The following KDM1B variants were observed in gnomAD, a reference collection of about 807,000 sequenced individuals.
KDM1B encodes the protein lysine demethylase 1B.
KDM1B carries 63 observed loss-of-function variants against 107.4 expected under a neutral mutation model. That is an observed-to-expected ratio of 0.59 (90% CI 0.48 to 0.72). The LOEUF is 0.72. KDM1B is among the 30% of genes least tolerant of loss of function. KDM1B has a pLI of 0.00. For synonymous variants in KDM1B, 363 were observed against 363.9 expected (o/e 1.00, Z 0.03); for missense variants, 749 against 1,020.8 (o/e 0.73, Z 3.63).
In KDM1B at chr6:18,162,911, C is replaced by T; in HGVS notation, c.292C>T (p.His98Tyr). 1 of 1,604,328 alleles carries T rather than the reference C, an allele frequency of 6.2e-7. No individual in the cohort carries two copies. Among genetic ancestry groups the T allele is most frequent in the Non-Finnish European group, 8.5e-7 (1 of 1,171,144 alleles). The change falls in exon 5 of 22, where the codon CAT becomes TAT. Residue 98 changes from histidine to tyrosine, a missense_variant. By Grantham distance (83) the His-to-Tyr change is moderately conservative. Transcript: ENST00000650836. This position sits in a 1 kb window ranked among gnomAD's most constrained non-coding sequence, Gnocchi z 4.1. The part of the protein sequence containing the change: ...GEHFCNECFD[H>Y]YYRSHKDGYD... ...ACATTTCTGTAATGAATGCTTTGAC[C>T]ATTACTACAGAAGGTATGTTCACTA...
At position 18,212,335 on chromosome 6, in the gene KDM1B, G is replaced by A. The variant is rs1788907570; in HGVS notation, c.1867-153G>A. 1.5e-6 allele frequency: 1 copy of A among 674,236 alleles called. No homozygotes were observed. Among genetic ancestry groups the A allele is most frequent in the Admixed American group, 2.2e-5 (1 of 46,076 alleles). The allele number at this position is 674,236 out of a possible 1,614,324, so 41.8% of individuals were successfully genotyped here. A position where few individuals can be genotyped will look rare whatever the true frequency, so the allele number is the denominator to read the frequency against. Reference sequence around the variant, plus strand: ...GTGGTTGCCACTTCTGCTTAGCCAGGCATTGGCACCCTTGTGCAGTGAGCA... The same window carrying A: ...GTGGTTGCCACTTCTGCTTAGCCAGACATTGGCACCCTTGTGCAGTGAGCA... On this transcript the variant is annotated intron_variant, in intron 17 of 21. Transcript: ENST00000650836. The surrounding 1 kb of genome is among the most constrained non-coding windows in gnomAD (Gnocchi z 5.2).
At chr6:18,192,475 A>G (rs1023708194) in intron 10 of KDM1B, among the ~76,000 whole-genome samples, 19 of 152,214 alleles carry the variant, frequency 1.2e-4, no homozygotes, top group African/African-American at 3.4e-4. Context: ...TGTTAATGCA[A>G]CTATATGAAT....
chr6:18,220,634 A>T (rs999502103), intron 21 of KDM1B, among the ~76,000 whole-genome samples: 1 of 152,200 alleles, frequency 6.6e-6, no homozygotes, highest in African/African-American at 2.4e-5. Flanking sequence ...CAAGGGGATA[A>T]AGGCTGCATG....
intron 21 of KDM1B, among the ~76,000 whole-genome samples, chr6:18,221,448 A>C (rs1789732819): frequency 6.6e-6 from 1 of 152,126 alleles, no homozygotes; most frequent in Non-Finnish European, 1.5e-5. Context: ...GCCCTCACTC[A>C]CATTGTCTTT....
At chr6:18,165,741 GA>G (rs1247413859) in intron 5 of KDM1B, among the ~76,000 whole-genome samples, 2 of 152,218 alleles carry the variant, frequency 1.3e-5, no homozygotes, top group Non-Finnish European at 2.9e-5. Context: ...AGAATCCCTT[GA>G]ACCCAGGAGG....
chr6:18,187,644 T>TCGGTGGTCGC, intron 8 of KDM1B, 148 bp from the exon 9 acceptor site: 2 of 626,956 alleles, frequency 3.2e-6, no homozygotes, highest in Admixed American at 2.4e-5. Flanking sequence ...TGTGTAGAGC[T>TCGGTGGTCGC]CTGGAATAGA....
intron 6 of KDM1B, 75 bp from the exon 7 acceptor site, chr6:18,171,288 C>T: frequency 2.5e-6 from 2 of 808,558 alleles, no homozygotes; most frequent in East Asian, 4.9e-5. Flanking sequence ...GAGAAGATGA[C>T]CAAGTGGTGG....
chr6:18,217,998 G>A lies in KDM1B; in HGVS notation c.2385+113G>A, dbSNP rs1031037457. ...ATTCAAATACTGTCAAAAGTCTTAT[G>A]ACCACAGACAGCAGAAGCCTTCTCA... On this transcript the variant is annotated intron_variant, in intron 21 of 21. Coordinates refer to ENST00000650836, the MANE Select transcript of KDM1B (RefSeq NM_001364614.2). The A allele has an allele frequency of 1.2e-5, 14 of 1,148,968 alleles. No homozygotes were observed. The Admixed American group carries it at 3.1e-4, about 26-fold the overall frequency. The allele number at this position is 1,148,968 out of a possible 1,614,324, so 71.2% of individuals were successfully genotyped here.
At chr6:18,210,090 T>C (rs1390757529) in intron 17 of KDM1B, among the ~76,000 whole-genome samples, 1 of 152,184 alleles carries the variant, frequency 6.6e-6, no homozygotes, top group African/African-American at 2.4e-5. Context: ...AGCTTCAGGC[T>C]GCACTTTGAA....
Position 18,199,278 on chromosome 6 carries a change from G to T in KDM1B, c.1222-1161G>T, listed in dbSNP as rs1787878492. 2.6e-5 allele frequency among the ~76,000 whole-genome samples: 4 copies of T among 152,114 alleles called. No individual in the cohort carries two copies. The South Asian group carries it at 8.3e-4, about 32-fold the overall frequency. The stretch of plus-strand genomic sequence containing the variant: ...TGCAGCCTTCCTAGTTAGAGAAAGT[G>T]AAGAATGTAAGTTTGAGAAAGCAGT... On this transcript the variant is annotated intron_variant, in intron 12 of 21. Coordinates refer to ENST00000650836, the MANE Select transcript of KDM1B (RefSeq NM_001364614.2).
intron 12 of KDM1B, among the ~76,000 whole-genome samples, chr6:18,198,489 A>G (rs1787801488): frequency 6.6e-6 from 1 of 151,954 alleles, no homozygotes; most frequent in South Asian, 2.1e-4. Flanking sequence ...TTGGCCTCCC[A>G]AAGTGCTGGG....
In KDM1B at chr6:18,201,584, T is replaced by C. The variant is rs1442945904; in HGVS notation, c.1458T>C (p.His486=). 3.2e-6 allele frequency: 5 copies of C among 1,550,630 alleles called. No individual in the cohort carries two copies. In the East Asian group the frequency reaches 7.3e-5, roughly 23 times the overall value. ...DPTIDKRMDF[H]FNALLDVVSE... The stretch of plus-strand genomic sequence containing the variant: ...CTATTGACAAGCGCATGGATTTTCA[T>C]TTTAATGCTCTCTTGGATGTTGTCT... The change falls in exon 14 of 22, where the codon CAT becomes CAC. Residue 486 remains histidine, a synonymous_variant. Coordinates refer to ENST00000650836, the MANE Select transcript of KDM1B (RefSeq NM_001364614.2). This position sits in a 1 kb window ranked among gnomAD's most constrained non-coding sequence, Gnocchi z 4.3.
intron 15 of KDM1B, among the ~76,000 whole-genome samples, chr6:18,206,285 A>C (rs1312196088): frequency 6.6e-6 from 1 of 152,002 alleles, no homozygotes; most frequent in Non-Finnish European, 1.5e-5. Context: ...AGAGGCCAAG[A>C]CAGGCGGATT....
intron 7 of KDM1B, among the ~76,000 whole-genome samples, chr6:18,179,264 T>C (rs943624251): frequency 1.3e-5 from 2 of 152,340 alleles, no homozygotes; most frequent in South Asian, 2.1e-4. Context: ...TTGTTTTTAA[T>C]ATATTGTTCT....
At chr6:18,220,612 C>T (rs1307616918) in intron 21 of KDM1B, among the ~76,000 whole-genome samples, 1 of 152,134 alleles carries the variant, frequency 6.6e-6, no homozygotes, top group African/African-American at 2.4e-5. Context: ...CTATGAAGAC[C>T]TTACTCTGTG....
Position 18,207,266 on chromosome 6 carries a change from G to A in KDM1B, c.1660-132G>A, listed in dbSNP as rs1412824508. On this transcript the variant is annotated intron_variant, in intron 15 of 21. Coordinates refer to ENST00000650836, the MANE Select transcript of KDM1B (RefSeq NM_001364614.2). ...ATTTCCTCCCCCAGTGGTGGTCTCT[G>A]CCTAGGCTGGTCTGCCTGTCCCCTG... 4 of 844,396 alleles carry A rather than the reference G, an allele frequency of 4.7e-6. No individual in the cohort carries two copies. The East Asian group carries it at 9.8e-5, about 21-fold the overall frequency. 52.3% of individuals were successfully genotyped at this position (844,396 alleles called of 1,614,324 possible). A position where few individuals can be genotyped will look rare whatever the true frequency, so the allele number is the denominator to read the frequency against.
intron 21 of KDM1B, 42 bp downstream of exon 21, chr6:18,217,927 TTCTG>T (rs774685026): frequency 1.6e-5 from 25 of 1,588,196 alleles, no homozygotes; most frequent in African/African-American, 1.4e-5. Flanking sequence ...GTATTTTGAT[TTCTG>T]TCTTTCATCT....
chr6:18,157,671 TGAA>T (rs1169561052), intron 2 of KDM1B, among the ~76,000 whole-genome samples: 115 of 151,754 alleles, frequency 7.6e-4, no homozygotes, highest in African/African-American at 2.5e-3. Context: ...TATATATAAA[TGAA>T]GAGATTTGTA....
Position 18,205,393 on chromosome 6 carries a change from G to T in KDM1B, c.1532-144G>T, listed in dbSNP as rs1788301447. 1.7e-6 allele frequency: 1 copy of T among 594,880 alleles called. No homozygotes were observed. The highest frequency in any genetic ancestry group is 2.5e-5 in the South Asian group (1 of 40,170). The allele number at this position is 594,880 out of a possible 1,614,324, so 36.9% of individuals were successfully genotyped here. On this transcript the variant is annotated intron_variant, in intron 14 of 21. Coordinates refer to ENST00000650836, the MANE Select transcript of KDM1B (RefSeq NM_001364614.2). This position sits in a 1 kb window ranked among gnomAD's most constrained non-coding sequence, Gnocchi z 5.7. ...CTGAGAGAAATGGACCTTATCAAGA[G>T]ATCTTTTCCCCTCTGACTTTACTTG...
Sources: allele counts gnomAD v4.1 joint callset (sites outside exome capture counted in the v4.1 genomes callset), GRCh38; gene constraint gnomAD v4.1.1; non-coding constraint Gnocchi (gnomAD v3.1); transcripts MANE v1.5; gene names NCBI Gene and HGNC (gene_info 2026-07-23, HGNC 2026-07-21).